The following PPP4R4 variants were observed in gnomAD, a reference collection of about 807,000 sequenced individuals.
PPP4R4 encodes protein phosphatase 4 regulatory subunit 4, also known as serine/threonine-protein phosphatase 4 regulatory subunit 4.
A neutral mutation model predicts 121.8 loss-of-function variants in PPP4R4; 70 were observed. The observed-to-expected ratio is 0.57, with a 90% confidence interval of 0.47 to 0.70. The LOEUF is 0.70. Among genes scored for constraint, PPP4R4 ranks in the 30% least tolerant of loss-of-function variants. The pLI is 0.00. For synonymous variants in PPP4R4, 348 were observed against 355.7 expected (o/e 0.98, Z 0.24); for missense variants, 875 against 1,033.6 (o/e 0.85, Z 2.10).
intron 3 of PPP4R4, among the ~76,000 whole-genome samples, chr14:94,226,316 T>C (rs1055528646): frequency 6.6e-6 from 1 of 152,198 alleles, no homozygotes; most frequent in Non-Finnish European, 1.5e-5. Context: ...AGGATATTTT[T>C]ATGTGTACCT....
At chr14:94,199,478 GT>G (rs1460392568) in intron 2 of PPP4R4, among the ~76,000 whole-genome samples, 1 of 152,186 alleles carries the variant, frequency 6.6e-6, no homozygotes, top group African/African-American at 2.4e-5. Context: ...GGCGGCTTGT[GT>G]TAGTCAGCTC....
At chr14:94,215,174 A>T (rs894979353) in intron 3 of PPP4R4, among the ~76,000 whole-genome samples, 9 of 152,214 alleles carry the variant, frequency 5.9e-5, no homozygotes, top group African/African-American at 2.2e-4. Context: ...CCTTAAAAAA[A>T]TCCTCCTAAC....
intron 15 of PPP4R4, among the ~76,000 whole-genome samples, chr14:94,250,554 T>C (rs1595525500): frequency 6.6e-6 from 1 of 151,964 alleles, no homozygotes; most frequent in East Asian, 1.9e-4. Context: ...TGAAATAGCA[T>C]TTGGAACTAA....
chr14:94,187,067 C>A (rs111628093), intron 2 of PPP4R4, among the ~76,000 whole-genome samples: 2 of 152,160 alleles, frequency 1.3e-5, no homozygotes, highest in African/African-American at 4.8e-5. Flanking sequence ...GCAATCCCAG[C>A]ACTTTGGGAG....
At chr14:94,251,502 T>C (rs1310833240) in intron 15 of PPP4R4, among the ~76,000 whole-genome samples, 2 of 152,080 alleles carry the variant, frequency 1.3e-5, no homozygotes, top group Admixed American at 1.3e-4. Context: ...AGTCATTCCA[T>C]AGTTAATAAA....
chr14:94,239,897 A>G (rs993761939), intron 8 of PPP4R4, among the ~76,000 whole-genome samples: 1 of 152,216 alleles, frequency 6.6e-6, no homozygotes, highest in African/African-American at 2.4e-5. Flanking sequence ...CTTGTTCTGT[A>G]AGAAATACAG....
intron 23 of PPP4R4, among the ~76,000 whole-genome samples, chr14:94,271,825 A>G (rs28867162): frequency 0.013 from 1,965 of 152,292 alleles, 41 homozygotes; most frequent in African/African-American, 0.045. Flanking sequence ...ATGAAGGTCA[A>G]TGTAAGGTTA....
chr14:94,258,038 T>C (rs972328434), intron 17 of PPP4R4, among the ~76,000 whole-genome samples: 4 of 152,140 alleles, frequency 2.6e-5, no homozygotes, highest in African/African-American at 4.8e-5. Flanking sequence ...TCATCAGTTT[T>C]ATAATATGAG....
chr14:94,211,838 A>T (rs781647512), intron 3 of PPP4R4, among the ~76,000 whole-genome samples: 2 of 152,192 alleles, frequency 1.3e-5, no homozygotes, highest in Non-Finnish European at 2.9e-5. Flanking sequence ...ATTTCGTAAC[A>T]GATTGGGTTT....
intron 5 of PPP4R4, 56 bp from the exon 6 acceptor site, chr14:94,233,597 G>A (rs1892171076): frequency 2.8e-6 from 3 of 1,063,098 alleles, no homozygotes; most frequent in Non-Finnish European, 4.3e-6. Flanking sequence ...TAGCTGACAT[G>A]AGTGGCATGA....
chr14:94,177,704 G>T (rs1031515312), intron 2 of PPP4R4, among the ~76,000 whole-genome samples: 2 of 152,088 alleles, frequency 1.3e-5, no homozygotes, highest in African/African-American at 4.8e-5. Context: ...CAGTGATAAG[G>T]CTTCTTTTTA....
At chr14:94,268,402 A>G (rs1046377337) in intron 23 of PPP4R4, among the ~76,000 whole-genome samples, 1 of 152,188 alleles carries the variant, frequency 6.6e-6, no homozygotes, top group Non-Finnish European at 1.5e-5. Context: ...ATTGATTCAG[A>G]AGTGGTTTTT....
intron 23 of PPP4R4, among the ~76,000 whole-genome samples, chr14:94,269,667 A>C (rs544148745): frequency 6.6e-6 from 1 of 152,094 alleles, no homozygotes; most frequent in East Asian, 1.9e-4. Context: ...GAAAAAAAAA[A>C]AACAAAAACA....
At chr14:94,203,197 C>T (rs545909667) in intron 2 of PPP4R4, among the ~76,000 whole-genome samples, 2 of 152,280 alleles carry the variant, frequency 1.3e-5, no homozygotes, top group South Asian at 4.1e-4. Flanking sequence ...TTCCCTCCTG[C>T]TCCTGTATCT....
At chr14:94,258,744 T>A (rs775423125) in intron 17 of PPP4R4, 39 bp from the exon 18 acceptor site, 1 of 1,416,818 alleles carries the variant, frequency 7.1e-7, no homozygotes, top group Admixed American at 1.8e-5. Flanking sequence ...TTGTTTTAAT[T>A]TAATTACTTT....
intron 2 of PPP4R4, 72 bp from the exon 3 acceptor site, chr14:94,208,392 C>T: frequency 2.7e-6 from 3 of 1,117,712 alleles, no homozygotes; most frequent in Non-Finnish European, 3.8e-6. Context: ...CCAATTAGTC[C>T]ATACTTTTTA....
At chr14:94,178,221 T>G (rs1888784055) in intron 2 of PPP4R4, among the ~76,000 whole-genome samples, 1 of 152,172 alleles carries the variant, frequency 6.6e-6, no homozygotes, top group Non-Finnish European at 1.5e-5. Context: ...AGATGTAATT[T>G]ATTCCTTTTT....
At chr14:94,179,363 T>C (rs1888852222) in intron 2 of PPP4R4, among the ~76,000 whole-genome samples, 1 of 152,240 alleles carries the variant, frequency 6.6e-6, no homozygotes, top group Non-Finnish European at 1.5e-5. Flanking sequence ...TAGCATAAGG[T>C]GTTCAAGGTT....
rs948405414 is a variant in PPP4R4, at chr14:94,258,945, C to G, written c.2052+121C>G. 4.4e-6 allele frequency: 4 copies of G among 918,438 alleles called. No homozygotes were observed. The Admixed American group carries it at 1.0e-4, about 23-fold the overall frequency. 56.9% of individuals were successfully genotyped at this position (918,438 alleles called of 1,614,324 possible). On this transcript the variant is annotated intron_variant, in intron 18 of 24. Coordinates refer to ENST00000304338, the MANE Select transcript of PPP4R4 (RefSeq NM_058237.2). ...TAATTGAACTCACAGTTCCACGTGG[C>G]TGGGGAGGCCTCACAATCGTGACAG...
Sources: gnomAD v4.1 joint callset for allele counts (sites outside exome capture counted in the v4.1 genomes callset) on GRCh38, gnomAD v4.1.1 for gene constraint, MANE v1.5 for transcripts, NCBI Gene and HGNC (gene_info 2026-07-23, HGNC 2026-07-21) for gene names.